The following GABRG2 variants were observed in gnomAD, a reference collection of about 807,000 sequenced individuals.
The protein encoded by GABRG2 is gamma-aminobutyric acid type A receptor subunit gamma2.
A neutral mutation model predicts 56.4 loss-of-function variants in GABRG2; 16 were observed. The ratio of observed to expected loss-of-function variants is 0.28; its 90% CI spans 0.19 to 0.43. The LOEUF is 0.43. Ranked by LOEUF, GABRG2 falls within the 20% of genes least tolerant of loss-of-function variation. The probability of loss-of-function intolerance (pLI) is 1.00; values close to 1 mark genes in which losing one functional copy is unlikely to be tolerated. For missense variants in GABRG2, 327 were observed against 582.7 expected, an observed-to-expected ratio of 0.56 and a Z score of 4.52; for synonymous variants, 208 against 205.5, an observed-to-expected ratio of 1.01 and a Z score of -0.10.
At chr5:162,147,665 G>A (rs555943472) in intron 7 of GABRG2, among the ~76,000 whole-genome samples, 2 of 152,026 alleles carry the variant, frequency 1.3e-5, no homozygotes, top group South Asian at 4.2e-4. Context: ...TGCCTGGCCC[G>A]ACCTGTTTCG....
chr5:162,131,777 G>T (rs557610259), intron 6 of GABRG2, among the ~76,000 whole-genome samples: 1 of 151,892 alleles, frequency 6.6e-6, no homozygotes, highest in Non-Finnish European at 1.5e-5. Flanking sequence ...CCCAGTGTTC[G>T]TACTGCCCTT....
chr5:162,117,193 A>C (rs1762677872), intron 6 of GABRG2, among the ~76,000 whole-genome samples: 1 of 152,208 alleles, frequency 6.6e-6, no homozygotes, highest in African/African-American at 2.4e-5. Context: ...GGGAACAGTC[A>C]TATTTTATAA....
At chr5:162,101,211 T>G in intron 4 of GABRG2, 24 bp from the exon 5 acceptor site, 1 of 1,466,752 alleles carries the variant, frequency 6.8e-7, no homozygotes, top group Non-Finnish European at 9.5e-7. Context: ...AAATCCATCT[T>G]ATGTTTAATA....
chr5:162,095,669 A>T (rs907793087), intron 3 of GABRG2, 107 bp downstream of exon 3: 2 of 763,310 alleles, frequency 2.6e-6, no homozygotes, highest in Admixed American at 2.1e-5. Flanking sequence ...TTAAGTTTAA[A>T]ACTTTAGAAG....
At position 162,081,369 on chromosome 5, in the gene GABRG2, C is replaced by T. The variant is rs559109823; in HGVS notation, c.108-12459C>T. ...TATCATACAGCATAATTGACCTCTT[C>T]GTGTATACTTACATACATTTTAACA... On this transcript the variant is annotated intron_variant, in intron 1 of 9. Coordinates refer to ENST00000639213, the MANE Select transcript of GABRG2 (RefSeq NM_198904.4). Among the ~76,000 whole-genome samples, 66 of 152,060 alleles carry T rather than the reference C, an allele frequency of 4.3e-4. 1 individual carries two copies. The highest frequency in any genetic ancestry group is 1.4e-3 in the African/African-American group (59 of 41,528).
intron 6 of GABRG2, among the ~76,000 whole-genome samples, chr5:162,111,396 T>C (rs187529052): frequency 2.0e-5 from 3 of 152,272 alleles, no homozygotes; most frequent in Admixed American, 2.0e-4. Context: ...GTTCACACTA[T>C]CTAGCAGGGA....
chr5:162,108,198 C>G (rs1488558825), intron 6 of GABRG2, among the ~76,000 whole-genome samples: 3 of 152,150 alleles, frequency 2.0e-5, no homozygotes, highest in African/African-American at 7.2e-5. Context: ...TCTGCTCTGA[C>G]ATTCATACTC....
chr5:162,138,955 C>T (rs188489290), intron 6 of GABRG2, among the ~76,000 whole-genome samples: 39 of 151,858 alleles, frequency 2.6e-4, no homozygotes, highest in African/African-American at 8.7e-4. Flanking sequence ...AGAACCTAAA[C>T]GCTCCACTAA....
intron 9 of GABRG2, chr5:162,152,081 T>C (rs570090042): frequency 4.0e-6 from 1 of 251,408 alleles, no homozygotes; most frequent in East Asian, 8.1e-5. Context: ...ACTACCAAGT[T>C]TGTACTCTTT....
At position 162,082,185 on chromosome 5, in the gene GABRG2, G is replaced by A. The variant is rs209349; in HGVS notation, c.108-11643G>A. Among the ~76,000 whole-genome samples, 530 of 151,856 alleles carry A rather than the reference G, an allele frequency of 3.5e-3. 6 individuals carry two copies. The highest frequency in any genetic ancestry group is 0.011 in the African/African-American group (462 of 41,510). ...AGAGAAAGTAATAATAGGGAAGATG[G>A]GGGAAGAAGCATGGATTCTATAAGA... is the stretch of plus-strand genomic sequence containing the variant. On this transcript the variant is annotated intron_variant, in intron 1 of 9. Coordinates refer to ENST00000639213, the MANE Select transcript of GABRG2 (RefSeq NM_198904.4).
At chr5:162,144,157 T>C (rs1476331981) in intron 7 of GABRG2, among the ~76,000 whole-genome samples, 1 of 152,212 alleles carries the variant, frequency 6.6e-6, no homozygotes, top group Admixed American at 6.5e-5. Context: ...ATGTCTGTCA[T>C]CAGAATGTCA....
At chr5:162,105,844 C>CACA (rs201992990) in intron 6 of GABRG2, among the ~76,000 whole-genome samples, 1 of 150,028 alleles carries the variant, frequency 6.7e-6, no homozygotes, top group Non-Finnish European at 1.5e-5. Flanking sequence ...CACACACACA[C>CACA]CACGTAAAAT....
intron 2 of GABRG2, 81 bp from the exon 3 acceptor site, chr5:162,095,414 A>G: frequency 1.2e-6 from 1 of 858,794 alleles, no homozygotes; most frequent in Non-Finnish European, 1.9e-6. Context: ...AGCTAAATAA[A>G]TCTATTCTAG....
intron 1 of GABRG2, among the ~76,000 whole-genome samples, chr5:162,078,703 C>A (rs1759400602): frequency 6.6e-6 from 1 of 151,548 alleles, no homozygotes; most frequent in South Asian, 2.1e-4. Context: ...CCGTGCCCGG[C>A]CACCCCGACC....
chr5:162,154,031 C>G lies in GABRG2; in HGVS notation c.*663C>G, dbSNP rs1394959019. The G allele has an allele frequency of 6.6e-6, 1 of 152,602 alleles. No individual in the cohort carries two copies. Among genetic ancestry groups the G allele is most frequent in the Non-Finnish European group, 1.5e-5 (1 of 68,216 alleles). The allele number at this position is 152,602 out of a possible 1,614,324, so 9.5% of individuals were successfully genotyped here. ...TTGTGTCCTTGGGCTATAAAAGATTCCTGAATGTAATTATAAGGATTTGGG... is the reference window on the plus strand; with the variant it reads ...TTGTGTCCTTGGGCTATAAAAGATTGCTGAATGTAATTATAAGGATTTGGG... On this transcript the variant is annotated 3_prime_UTR_variant, in exon 10 of 10. Transcript: ENST00000639213.
chr5:162,104,266 T>C (rs1401427274), intron 6 of GABRG2, among the ~76,000 whole-genome samples: 2 of 152,126 alleles, frequency 1.3e-5, no homozygotes, highest in Admixed American at 1.3e-4. Context: ...CCCTAATTTA[T>C]TTAAGGAAAA....
In GABRG2 at chr5:162,153,189, C is replaced by G; in HGVS notation, c.1249C>G (p.Leu417Val). The change falls in exon 10 of 10, where the codon CTG (leucine) becomes GTG (valine). Residue 417 changes from leucine to valine, a missense_variant. Physicochemically the swap from Leu to Val is conservative, Grantham distance 32. Around this residue, in one of 4 missense-constraint regions of GABRG2, gnomAD observed 108 missense variants for 144.2 expected, o/e 0.75. Transcript: ENST00000639213. ...AGATGAAGAGTACGGCTATGAGTGT[C>G]TGGACGGCAAGGACTGTGCCAGTTT... ...ERDEEYGYEC[L>V]DGKDCASFFC... 3 of 1,614,058 alleles carry G rather than the reference C, an allele frequency of 1.9e-6. No homozygotes were observed. Among genetic ancestry groups the G allele is most frequent in the Non-Finnish European group, 2.5e-6 (3 of 1,179,972 alleles).
Position 162,104,044 on chromosome 5 carries a change from A to G in GABRG2, c.769+18A>G, listed in dbSNP as rs2422105. 8.8e-5 allele frequency: 142 copies of G among 1,613,700 alleles called. No homozygotes were observed. The highest frequency in any genetic ancestry group is 7.8e-4 in the Admixed American group (47 of 60,012). The stretch of plus-strand genomic sequence containing the variant: ...AACTTCCGGTAAGATGCACTGGCAA[A>G]GAATTTCAAGTGACCCTTCCAGAGT... On this transcript the variant is annotated intron_variant, in intron 6 of 9. Transcript: ENST00000639213.
At chr5:162,096,863 A>G (rs1561642743) in intron 3 of GABRG2, among the ~76,000 whole-genome samples, 1 of 152,152 alleles carries the variant, frequency 6.6e-6, no homozygotes, top group Non-Finnish European at 1.5e-5. Context: ...AGAGATTAAC[A>G]GAGTATTATA....
Sources: allele counts gnomAD v4.1 joint callset (sites outside exome capture counted in the v4.1 genomes callset), GRCh38; gene constraint gnomAD v4.1.1; regional missense constraint gnomAD v4.1.1; transcripts MANE v1.5; gene names NCBI Gene and HGNC (gene_info 2026-07-23, HGNC 2026-07-21).